PDE4D: variants seen among roughly 807,000 people sequenced by gnomAD.
PDE4D encodes the protein 3',5'-cyclic-AMP phosphodiesterase 4D.
A neutral mutation model predicts 87.4 loss-of-function variants in PDE4D; 24 were observed. The ratio of observed to expected loss-of-function variants is 0.27; its 90% confidence interval spans 0.20 to 0.39. PDE4D has a LOEUF of 0.39. Among genes scored for constraint, PDE4D ranks in the 10% least tolerant of loss-of-function variants. The pLI, the probability that PDE4D is intolerant of heterozygous loss-of-function variation, is 1.00. For synonymous variants in PDE4D, 384 were observed against 383.2 expected (o/e 1.00, Z -0.02); for missense variants, 714 against 1,041.0 (o/e 0.69, Z 4.32).
intron 2 of PDE4D, among the ~76,000 whole-genome samples, chr5:60,024,125 T>C (rs1447591325): frequency 6.6e-6 from 1 of 152,182 alleles, no homozygotes; most frequent in Admixed American, 6.5e-5. Flanking sequence ...AAATAAATAG[T>C]ATTCATGGTT....
At chr5:59,982,676 CAT>C (rs1404949405) in intron 3 of PDE4D, among the ~76,000 whole-genome samples, 1 of 152,152 alleles carries the variant, frequency 6.6e-6, no homozygotes, top group African/African-American at 2.4e-5. Flanking sequence ...GAAAGCAAGA[CAT>C]GTGTGCGGGA....
At chr5:59,081,909 G>A (rs1766843734) in intron 5 of PDE4D, among the ~76,000 whole-genome samples, 1 of 152,010 alleles carries the variant, frequency 6.6e-6, no homozygotes. Context: ...GAATCATAGG[G>A]CAGTTTCCCC....
At chr5:59,713,607 G>A (rs1178134558) in intron 1 of PDE4D, among the ~76,000 whole-genome samples, 2 of 152,134 alleles carry the variant, frequency 1.3e-5, no homozygotes, top group Non-Finnish European at 2.9e-5. Flanking sequence ...GGATCCCAAG[G>A]TGGGCGAGCC....
intron 1 of PDE4D, among the ~76,000 whole-genome samples, chr5:59,231,793 T>G (rs1755266816): frequency 6.6e-6 from 1 of 152,248 alleles, no homozygotes; most frequent in Non-Finnish European, 1.5e-5. Flanking sequence ...TTAGGTTTTT[T>G]GTTTTGTTCC....
chr5:60,252,548 G>T (rs752879208), intron 1 of PDE4D, among the ~76,000 whole-genome samples: 6 of 151,766 alleles, frequency 4.0e-5, no homozygotes, highest in Non-Finnish European at 7.4e-5. Flanking sequence ...AGGTTTTGGA[G>T]AGTTGAAAGA....
At chr5:60,319,956 C>A (rs1317658667) in intron 1 of PDE4D, among the ~76,000 whole-genome samples, 1 of 152,224 alleles carries the variant, frequency 6.6e-6, no homozygotes, top group East Asian at 1.9e-4. Flanking sequence ...GGCAGTCTGT[C>A]CGTTCTCAGA....
At chr5:59,853,464 C>A (rs1744975263) in intron 1 of PDE4D, among the ~76,000 whole-genome samples, 1 of 151,978 alleles carries the variant, frequency 6.6e-6, no homozygotes, top group Non-Finnish European at 1.5e-5. Flanking sequence ...TATCCATAAT[C>A]CCCATATTTA....
At chr5:59,326,501 A>C (rs188990638) in intron 1 of PDE4D, among the ~76,000 whole-genome samples, 1 of 152,272 alleles carries the variant, frequency 6.6e-6, no homozygotes, top group East Asian at 1.9e-4. Context: ...AGATGTGTCA[A>C]AAATATAATA....
At chr5:60,278,727 G>A (rs142167393) in intron 1 of PDE4D, among the ~76,000 whole-genome samples, 26 of 151,820 alleles carry the variant, frequency 1.7e-4, no homozygotes, top group African/African-American at 6.0e-4. Flanking sequence ...AAAACTCCAC[G>A]TGGCTCATCT....
rs562868443 is a variant in PDE4D at position 59,482,463 on chromosome 5, T to C, written c.456-266495A>G. 2.0e-5 allele frequency among the ~76,000 whole-genome samples: 3 copies of C among 152,288 alleles called. No individual in the cohort carries two copies. The East Asian group carries it at 5.8e-4, about 29-fold the overall frequency. On this transcript the variant is annotated intron_variant, in intron 1 of 14. Transcript: ENST00000340635. ...AGTGCTAAAGAAAATCATTTTGCAA[T>C]GCTATTTCAGATATTCAGGCAAAAT...
intron 1 of PDE4D, among the ~76,000 whole-genome samples, chr5:60,266,411 A>T (rs1732786050): frequency 6.6e-6 from 1 of 152,194 alleles, no homozygotes; most frequent in African/African-American, 2.4e-5. Context: ...ATTTTTGTAG[A>T]GAAAGAAAAG....
At chr5:60,499,734 C>T (rs1344350227) in intron 1 of PDE4D, among the ~76,000 whole-genome samples, 1 of 152,106 alleles carries the variant, frequency 6.6e-6, no homozygotes, top group Non-Finnish European at 1.5e-5. Context: ...TCATTAAAGA[C>T]TCCAAAAAAT....
chr5:59,139,324 A>G (rs1777564633), intron 5 of PDE4D, among the ~76,000 whole-genome samples: 1 of 152,210 alleles, frequency 6.6e-6, no homozygotes, highest in South Asian at 2.1e-4. Flanking sequence ...GAAACAGAAG[A>G]TGGGGAAGGT....
At chr5:59,010,141 T>C (rs1275402629) in intron 6 of PDE4D, among the ~76,000 whole-genome samples, 1 of 151,992 alleles carries the variant, frequency 6.6e-6, no homozygotes, top group African/African-American at 2.4e-5. Flanking sequence ...GCCTCGGCAA[T>C]ATGGTGAAAC....
chr5:60,155,263 T>C (rs1215017722), intron 2 of PDE4D, among the ~76,000 whole-genome samples: 1 of 152,204 alleles, frequency 6.6e-6, no homozygotes, highest in Admixed American at 6.5e-5. Context: ...CTAGGCATTG[T>C]CTATCTTTTT....
intron 1 of PDE4D, among the ~76,000 whole-genome samples, chr5:59,867,801 T>C (rs1236729215): frequency 2.0e-5 from 3 of 152,170 alleles, no homozygotes; most frequent in Non-Finnish European, 4.4e-5. Context: ...CTCCTTGCTA[T>C]ATCATTAGGG....
intron 5 of PDE4D, among the ~76,000 whole-genome samples, chr5:59,175,711 C>A (rs1581202901): frequency 6.6e-6 from 1 of 151,440 alleles, no homozygotes; most frequent in Middle Eastern, 3.5e-3. Context: ...AACTCCTGAC[C>A]TGGTGATCCA....
chr5:59,716,512 T>C (rs558807465), intron 1 of PDE4D, among the ~76,000 whole-genome samples: 35 of 152,178 alleles, frequency 2.3e-4, no homozygotes, highest in Non-Finnish European at 4.4e-4. Flanking sequence ...AGTATAGCCA[T>C]TGTGGAGAGG....
At chr5:59,161,261 C>G (rs1261068533) in intron 5 of PDE4D, among the ~76,000 whole-genome samples, 1 of 152,150 alleles carries the variant, frequency 6.6e-6, no homozygotes, top group Non-Finnish European at 1.5e-5. Context: ...GGTGGTCAGG[C>G]TACAGCTTGT....
Sources: gnomAD v4.1 joint callset for allele counts (sites outside exome capture counted in the v4.1 genomes callset) on GRCh38, gnomAD v4.1.1 for gene constraint, MANE v1.5 for transcripts, NCBI Gene and HGNC (gene_info 2026-07-23, HGNC 2026-07-21) for gene names.